Variants in DLG1 observed in about 807,000 individuals in gnomAD.
DLG1 encodes discs large MAGUK scaffold protein 1, also known as disks large homolog 1.
Under a neutral mutation model 123.4 loss-of-function variants are expected in DLG1, and 42 were observed. The observed-to-expected ratio is 0.34, with a 90% confidence interval of 0.27 to 0.44. The LOEUF is 0.44. Ranked by LOEUF, DLG1 falls within the 20% of genes least tolerant of loss-of-function variation. The probability of loss-of-function intolerance (pLI) is 1.00; values close to 1 mark genes in which losing one functional copy is unlikely to be tolerated. For synonymous variants in DLG1, 317 were observed against 356.2 expected (o/e 0.89, Z 1.24); for missense variants, 942 against 1,082.6 (o/e 0.87, Z 1.82).
Position 197,043,051 on chromosome 3 carries a change from T to C in DLG1, c.*1572A>G, listed in dbSNP as rs986813549. 1 of 152,228 alleles carries C rather than the reference T, an allele frequency of 6.6e-6. No homozygotes were observed. Among genetic ancestry groups the C allele is most frequent in the Non-Finnish European group, 1.5e-5 (1 of 68,038 alleles). The allele number at this position is 152,228 out of a possible 1,614,324, so 9.4% of individuals were successfully genotyped here. The stretch of plus-strand genomic sequence containing the variant: ...TAATGAGGAGGTTGTCAAAAACACA[T>C]ATTTAATAAACAACTCCAAAGAGCA... On this transcript the variant is annotated 3_prime_UTR_variant, in exon 25 of 25. Transcript: ENST00000667157.
At chr3:197,108,790 T>C (rs900789356) in intron 13 of DLG1, among the ~76,000 whole-genome samples, 1 of 152,168 alleles carries the variant, frequency 6.6e-6, no homozygotes. Flanking sequence ...CCCTGTGTAG[T>C]TGGATTCTGT....
intron 14 of DLG1, among the ~76,000 whole-genome samples, chr3:197,100,734 TGA>T (rs1763011582): frequency 6.6e-6 from 1 of 152,112 alleles, no homozygotes; most frequent in Non-Finnish European, 1.5e-5. Context: ...TGAAGATATC[TGA>T]GATTCAACAG....
intron 4 of DLG1, among the ~76,000 whole-genome samples, chr3:197,270,129 CGTT>C (rs1031336825): frequency 6.6e-6 from 1 of 152,086 alleles, no homozygotes; most frequent in Non-Finnish European, 1.5e-5. Flanking sequence ...TGGAAACCAT[CGTT>C]ATGCGTGGAT....
At chr3:197,195,119 T>C (rs1721757478) in intron 4 of DLG1, among the ~76,000 whole-genome samples, 1 of 151,766 alleles carries the variant, frequency 6.6e-6, no homozygotes, top group Non-Finnish European at 1.5e-5. Context: ...AAAAGCTTCC[T>C]CACACCAAGC....
At chr3:197,296,543 C>T (rs1367869968) in intron 2 of DLG1, 66 bp from the exon 3 acceptor site, 2 of 1,441,588 alleles carry the variant, frequency 1.4e-6, no homozygotes, top group East Asian at 4.6e-5. Context: ...CATACTAGTG[C>T]AAATAATTCT....
intron 23 of DLG1, 54 bp downstream of exon 23, chr3:197,059,835 C>T: frequency 8.5e-7 from 1 of 1,175,636 alleles, no homozygotes; most frequent in Middle Eastern, 2.0e-4. Flanking sequence ...AATAAATTAC[C>T]CTACAGTGAC....
At chr3:197,146,989 T>C (rs1223306130) in intron 6 of DLG1, among the ~76,000 whole-genome samples, 1 of 152,128 alleles carries the variant, frequency 6.6e-6, no homozygotes, top group Non-Finnish European at 1.5e-5. Flanking sequence ...GCTAAGGACA[T>C]GAATAGAAAA....
chr3:197,136,230 A>G (rs1785001182), intron 10 of DLG1: 1 of 203,534 alleles, frequency 4.9e-6, no homozygotes, highest in South Asian at 1.3e-4. Context: ...AGTAAAATAA[A>G]AAAGGGTCAT....
intron 4 of DLG1, among the ~76,000 whole-genome samples, chr3:197,202,371 T>C (rs1366931895): frequency 6.6e-6 from 1 of 152,174 alleles, no homozygotes; most frequent in African/African-American, 2.4e-5. Context: ...TTCAAATGTT[T>C]TGGAAGGAAA....
chr3:197,122,165 AAATG>A (rs1254061221), intron 11 of DLG1, among the ~76,000 whole-genome samples: 2 of 152,112 alleles, frequency 1.3e-5, no homozygotes, highest in Non-Finnish European at 2.9e-5. Flanking sequence ...TTCCCCCCAC[AAATG>A]AATGGTTTAG....
intron 12 of DLG1, among the ~76,000 whole-genome samples, chr3:197,116,686 A>G (rs556017522): frequency 2.6e-5 from 4 of 152,168 alleles, no homozygotes; most frequent in African/African-American, 9.7e-5. Context: ...CAAAAAAACG[A>G]AACAAAATAA....
At chr3:197,065,863 T>G in intron 20 of DLG1, 54 bp from the exon 21 acceptor site, 1 of 1,183,310 alleles carries the variant, frequency 8.5e-7, no homozygotes, top group Non-Finnish European at 1.2e-6. Flanking sequence ...AATATCAATG[T>G]ATTTTATTTC....
chr3:197,083,042 G>A (rs948537800), intron 16 of DLG1, among the ~76,000 whole-genome samples: 1 of 152,116 alleles, frequency 6.6e-6, no homozygotes, highest in African/African-American at 2.4e-5. Context: ...AAGCATTTCC[G>A]AATTTAAAGC....
chr3:197,205,554 CT>C (rs1450142477), intron 4 of DLG1, among the ~76,000 whole-genome samples: 2 of 152,114 alleles, frequency 1.3e-5, no homozygotes, highest in Non-Finnish European at 2.9e-5. Context: ...ATACCAAATA[CT>C]CAACAAACAC....
rs563418367 is a variant in DLG1, at chr3:197,116,985, T to C, written c.1287-902A>G. Among the ~76,000 whole-genome samples, 9 of 152,310 alleles carry C rather than the reference T, an allele frequency of 5.9e-5. No individual in the cohort carries two copies. The South Asian group carries it at 1.9e-3, about 32-fold the overall frequency. On this transcript the variant is annotated intron_variant, in intron 12 of 24. Transcript: ENST00000667157. Reference sequence around the variant, plus strand: ...AATATGTATGAATTAGAATTTTATATTAGGAAATTATACTTGATTAAAAAA... The same window carrying C: ...AATATGTATGAATTAGAATTTTATACTAGGAAATTATACTTGATTAAAAAA...
At chr3:197,298,312 C>T (rs1217153201) in intron 1 of DLG1, 2 of 391,466 alleles carry the variant, frequency 5.1e-6, no homozygotes, top group East Asian at 3.6e-5. Context: ...CCTAAGGGAA[C>T]CTCTTCGCTT....
intron 4 of DLG1, among the ~76,000 whole-genome samples, chr3:197,233,867 C>T (rs899442645): frequency 1.3e-5 from 2 of 152,248 alleles, no homozygotes; most frequent in African/African-American, 2.4e-5. Flanking sequence ...CTATCTCATA[C>T]AGTTTGCTTC....
intron 17 of DLG1, among the ~76,000 whole-genome samples, chr3:197,078,290 C>T (rs1296831991): frequency 1.3e-5 from 2 of 150,690 alleles, no homozygotes; most frequent in Non-Finnish European, 2.9e-5. Flanking sequence ...GCATTCCAAC[C>T]TGGGTGATAG....
chr3:197,113,389 G>A (rs1436229623), intron 13 of DLG1, among the ~76,000 whole-genome samples: 2 of 152,028 alleles, frequency 1.3e-5, no homozygotes, highest in Non-Finnish European at 2.9e-5. Context: ...CTGTAGATTT[G>A]TCCATTTCCT....
Sources: allele counts gnomAD v4.1 joint callset (sites outside exome capture counted in the v4.1 genomes callset), GRCh38; gene constraint gnomAD v4.1.1; transcripts MANE v1.5; gene names NCBI Gene and HGNC (gene_info 2026-07-23, HGNC 2026-07-21).